The following OLA1 variants were observed in gnomAD, a reference collection of about 807,000 sequenced individuals.
OLA1 encodes the protein Obg like ATPase 1.
A neutral mutation model predicts 48.4 loss-of-function variants in OLA1; 14 were observed. The ratio of observed to expected loss-of-function variants is 0.29; its 90% CI spans 0.19 to 0.45. The LOEUF (loss-of-function observed/expected upper bound fraction) is 0.45, where lower values mean the gene tolerates loss of function less well. OLA1 is among the 20% of genes least tolerant of loss of function. OLA1 has a pLI of 1.00. For synonymous variants in OLA1, 127 were observed against 150.4 expected, an observed-to-expected ratio of 0.84 and a Z score of 1.14; for missense variants, 325 against 467.1, an observed-to-expected ratio of 0.70 and a Z score of 2.80.
intron 4 of OLA1, among the ~76,000 whole-genome samples, chr2:174,183,548 C>A (rs1687592467): frequency 1.3e-5 from 2 of 152,188 alleles, no homozygotes. Flanking sequence ...CTACCTTATC[C>A]CTCTATCAAA....
rs766867360 is a variant in OLA1, at chr2:174,123,633, T to C, written c.592A>G (p.Lys198Glu). The C allele has an allele frequency of 3.1e-6, 5 of 1,598,906 alleles. No individual in the cohort carries two copies. Among genetic ancestry groups the C allele is most frequent in the Non-Finnish European group, 4.3e-6 (5 of 1,174,150 alleles). The change falls in exon 6 of 11, where the codon AAA becomes GAA. Residue 198 changes from lysine (K) to glutamate (E), a missense_variant. By Grantham distance (56) the Lys-to-Glu change is moderately conservative. Coordinates refer to ENST00000284719, the MANE Select transcript of OLA1 (RefSeq NM_013341.5). ...KVKSWVIDQK[K>E]PVRFYHDWND... ...CAATCATGATAGAAGCGAACAGGTTTCTTTTGATCTATAACCCAGGATTTT... is the reference window on the plus strand; with the variant it reads ...CAATCATGATAGAAGCGAACAGGTTCCTTTTGATCTATAACCCAGGATTTT...
chr2:174,218,059 G>A (rs1688407584), intron 4 of OLA1: 3 of 151,918 alleles, frequency 2.0e-5, no homozygotes, highest in African/African-American at 4.8e-5. Flanking sequence ...CAGTGCAGTG[G>A]CTAGTCACAG....
rs1205716344 is a variant in OLA1, at chr2:174,095,325, G to GTTTTTT, written c.729-13267_729-13262dup. On this transcript the variant is annotated intron_variant, in intron 7 of 10. Coordinates refer to ENST00000284719, the MANE Select transcript of OLA1 (RefSeq NM_013341.5). ...TCTTTGCCAGCACTTGTTATTTCCT[G>GTTTTTT]TTTTTTTTTTTTTTTTTTTTTTTTG... is the stretch of plus-strand genomic sequence containing the variant. 6.2e-3 allele frequency among the ~76,000 whole-genome samples: 479 copies of GTTTTTT among 77,846 alleles called. 1 individual carries two copies. The highest frequency in any genetic ancestry group is 9.2e-3 in the African/African-American group (185 of 20,084). The allele number at this position is 77,846 out of a possible 152,430, so 51.1% of individuals were successfully genotyped here.
At chr2:174,128,006 T>A (rs1686082785) in intron 5 of OLA1, among the ~76,000 whole-genome samples, 1 of 151,688 alleles carries the variant, frequency 6.6e-6, no homozygotes, top group Non-Finnish European at 1.5e-5. Context: ...GAGAAAAATA[T>A]AGGACTTGTC....
At chr2:174,165,825 A>T (rs895431746) in intron 4 of OLA1, among the ~76,000 whole-genome samples, 1 of 152,192 alleles carries the variant, frequency 6.6e-6, no homozygotes, top group African/African-American at 2.4e-5. Flanking sequence ...TTTACCATTC[A>T]TAACTCAAAT....
chr2:174,217,460 A>T (rs893380508), intron 4 of OLA1, among the ~76,000 whole-genome samples: 1 of 152,042 alleles, frequency 6.6e-6, no homozygotes, highest in African/African-American at 2.4e-5. Context: ...GTGCTGAAAC[A>T]GAGTACAAGC....
intron 7 of OLA1, among the ~76,000 whole-genome samples, chr2:174,085,579 C>T (rs1420648347): frequency 6.6e-6 from 1 of 152,150 alleles, no homozygotes; most frequent in Non-Finnish European, 1.5e-5. Context: ...TCTACAGATT[C>T]TTCGGCAGAA....
At position 174,075,517 on chromosome 2, in the gene OLA1, T is replaced by A. The variant is rs749541883; in HGVS notation, c.1100A>T (p.Lys367Met). 1.2e-6 allele frequency: 2 copies of A among 1,606,496 alleles called. No homozygotes were observed. Among genetic ancestry groups the A allele is most frequent in the Non-Finnish European group, 1.7e-6 (2 of 1,174,096 alleles). The stretch of plus-strand genomic sequence containing the variant: ...ATAATTTCTGCCTTGTTGTCTGTAC[T>A]TTCCAGCAGCCTGCAAACAGAAAAT... The part of the protein sequence containing the change: ...GSENAVKAAG[K>M]YRQQGRNYIV... Residue 367 changes from lysine to methionine, a missense_variant, in exon 11 of 11, where the codon AAG (lysine) becomes ATG (methionine). Transcript: ENST00000284719.
At chr2:174,164,387 T>TCTGCA (rs1687113896) in intron 4 of OLA1, among the ~76,000 whole-genome samples, 1 of 40,202 alleles carries the variant, frequency 2.5e-5, no homozygotes, top group African/African-American at 1.1e-4. Context: ...ACCATTCTGT[T>TCTGCA]TTATGTTTGG....
chr2:174,106,300 T>C (rs971357093), intron 7 of OLA1, among the ~76,000 whole-genome samples: 1 of 152,122 alleles, frequency 6.6e-6, no homozygotes, highest in Non-Finnish European at 1.5e-5. Flanking sequence ...TAAGTAAATA[T>C]ATTTTGTATT....
At chr2:174,124,137 T>C (rs1351055225) in intron 5 of OLA1, 1 of 152,320 alleles carries the variant, frequency 6.6e-6, no homozygotes, top group East Asian at 1.9e-4. Context: ...TTAAATCAAC[T>C]GACCAGATCC....
chr2:174,142,129 T>C, intron 4 of OLA1, 129 bp from the exon 5 acceptor site: 1 of 805,984 alleles, frequency 1.2e-6, no homozygotes, highest in Non-Finnish European at 1.9e-6. Context: ...TCTTGGCAAG[T>C]AGGATATAGC....
At chr2:174,152,347 G>A (rs947965109) in intron 4 of OLA1, among the ~76,000 whole-genome samples, 16 of 152,100 alleles carry the variant, frequency 1.1e-4, no homozygotes, top group Non-Finnish European at 8.8e-5. Context: ...AGGTTGTAGT[G>A]GGTGGAGATT....
chr2:174,113,087 C>T (rs946165820), intron 7 of OLA1, among the ~76,000 whole-genome samples: 6 of 152,102 alleles, frequency 3.9e-5, no homozygotes, highest in Non-Finnish European at 7.4e-5. Flanking sequence ...ATTACAGGTG[C>T]CCGCCACCAA....
At chr2:174,148,549 T>G (rs1686668964) in intron 4 of OLA1, among the ~76,000 whole-genome samples, 1 of 152,204 alleles carries the variant, frequency 6.6e-6, no homozygotes, top group Non-Finnish European at 1.5e-5. Flanking sequence ...TTAAGCTGGA[T>G]TCTATCACAG....
intron 4 of OLA1, among the ~76,000 whole-genome samples, chr2:174,168,753 A>ATATCTATC (rs71021675): frequency 1.6e-3 from 230 of 146,086 alleles, no homozygotes; most frequent in Middle Eastern, 0.01. Context: ...CACAATATGT[A>ATATCTATC]TATCTATCTA....
chr2:174,180,470 T>C (rs1687508150), intron 4 of OLA1, among the ~76,000 whole-genome samples: 1 of 152,204 alleles, frequency 6.6e-6, no homozygotes, highest in Admixed American at 6.5e-5. Context: ...AGCAAAAGTG[T>C]AGTTACCACA....
chr2:174,078,207 T>G (rs1231668166), intron 10 of OLA1, among the ~76,000 whole-genome samples: 1 of 152,028 alleles, frequency 6.6e-6, no homozygotes, highest in Non-Finnish European at 1.5e-5. Flanking sequence ...CACAAGAATC[T>G]TCTTTAAATT....
intron 4 of OLA1, among the ~76,000 whole-genome samples, chr2:174,200,583 C>A (rs563596014): frequency 1.3e-5 from 2 of 152,014 alleles, no homozygotes; most frequent in African/African-American, 4.8e-5. Flanking sequence ...TGAAGAGATT[C>A]CCCTGGAACA....
Sources: allele counts gnomAD v4.1 joint callset (sites outside exome capture counted in the v4.1 genomes callset), GRCh38; gene constraint gnomAD v4.1.1; transcripts MANE v1.5; gene names NCBI Gene and HGNC (gene_info 2026-07-23, HGNC 2026-07-21).